The following SEMA3A variants were observed in gnomAD, a reference collection of about 807,000 sequenced individuals.
SEMA3A encodes the protein semaphorin-3A.
SEMA3A carries 29 observed loss-of-function variants against 97.9 expected under a neutral mutation model. That is an observed-to-expected ratio of 0.30 (90% CI 0.22 to 0.40). The LOEUF (loss-of-function observed/expected upper bound fraction) is 0.40. Among genes scored for constraint, SEMA3A ranks in the 10% least tolerant of loss-of-function variants. The pLI, the probability that SEMA3A is intolerant of heterozygous loss-of-function variation, is 1.00. For synonymous variants in SEMA3A, 321 were observed against 323.7 expected (o/e 0.99, Z 0.09); for missense variants, 763 against 951.3 (o/e 0.80, Z 2.60).
intron 1 of SEMA3A, among the ~76,000 whole-genome samples, chr7:84,398,678 T>G (rs1449007592): frequency 1.3e-5 from 2 of 152,020 alleles, no homozygotes; most frequent in Non-Finnish European, 2.9e-5. Context: ...CCTGGTGGCA[T>G]GTGCCTGTAG....
intron 3 of SEMA3A, among the ~76,000 whole-genome samples, chr7:84,257,472 T>G (rs1389664472): frequency 6.6e-6 from 1 of 152,124 alleles, no homozygotes; most frequent in Non-Finnish European, 1.5e-5. Context: ...TGGTATATAT[T>G]TAGAATCCCA....
At chr7:84,114,373 G>A (rs1795361312) in intron 3 of SEMA3A, among the ~76,000 whole-genome samples, 2 of 152,170 alleles carry the variant, frequency 1.3e-5, no homozygotes, top group Admixed American at 1.3e-4. Flanking sequence ...CAAACAACTT[G>A]TTCTGGCTCA....
intron 1 of SEMA3A, 30 bp downstream of exon 1, chr7:84,194,445 C>A: frequency 6.8e-7 from 1 of 1,459,972 alleles, no homozygotes; most frequent in African/African-American, 1.4e-5. Context: ...TATTACAAAG[C>A]TAACCAAATA....
At chr7:84,283,276 A>G (rs1800494973) in intron 3 of SEMA3A, among the ~76,000 whole-genome samples, 1 of 152,110 alleles carries the variant, frequency 6.6e-6, no homozygotes, top group Non-Finnish European at 1.5e-5. Flanking sequence ...TCCCGAATGC[A>G]TGGAAAGCAG....
chr7:84,405,124 A>G (rs1009484969), intron 1 of SEMA3A, among the ~76,000 whole-genome samples: 1 of 152,216 alleles, frequency 6.6e-6, no homozygotes, highest in Non-Finnish European at 1.5e-5. Context: ...GTCAAGACCC[A>G]TCAGTGTGCT....
At chr7:84,416,770 A>G (rs1030461359) in intron 1 of SEMA3A, among the ~76,000 whole-genome samples, 2 of 152,142 alleles carry the variant, frequency 1.3e-5, no homozygotes, top group Non-Finnish European at 2.9e-5. Context: ...GATTTCAAAA[A>G]ATTGTTGTTC....
Position 84,381,497 on chromosome 7 carries a change from A to T in SEMA3A, c.-245-9597T>A, listed in dbSNP as rs540851190. ...TGTCTTCTGCAAAACAGTCTAACTC[A>T]AAATCTCTGGCCTTCAGACATCAAA... On this transcript the variant is annotated intron_variant, in intron 1 of 3. Transcript: ENST00000424555. Among the ~76,000 whole-genome samples, 8 of 152,300 alleles carry T rather than the reference A, an allele frequency of 5.3e-5. No homozygotes were observed. In the South Asian group the frequency reaches 1.7e-3, roughly 32 times the overall value.
chr7:84,238,871 C>T (rs1799295604), intron 3 of SEMA3A, among the ~76,000 whole-genome samples: 1 of 152,030 alleles, frequency 6.6e-6, no homozygotes, highest in African/African-American at 2.4e-5. Flanking sequence ...CATGCCATCA[C>T]ACCTGGCTAA....
chr7:84,238,838 C>A (rs768290522), intron 3 of SEMA3A, among the ~76,000 whole-genome samples: 1 of 152,024 alleles, frequency 6.6e-6, no homozygotes, highest in African/African-American at 2.4e-5. Context: ...ACTCAGCCTC[C>A]CGAGTAGCTG....
intron 1 of SEMA3A, among the ~76,000 whole-genome samples, chr7:84,166,859 AGT>A (rs1450800411): frequency 2.2e-5 from 3 of 134,188 alleles, no homozygotes; most frequent in Admixed American, 1.6e-4. Context: ...TGGACGACAG[AGT>A]GAAACTCTGT....
chr7:83,984,315 T>C (rs1266015338), intron 13 of SEMA3A, among the ~76,000 whole-genome samples: 1 of 152,146 alleles, frequency 6.6e-6, no homozygotes, highest in Non-Finnish European at 1.5e-5. Flanking sequence ...GAACACATAC[T>C]TATGCAGTGT....
chr7:84,276,754 T>G (rs1042739282), intron 3 of SEMA3A, among the ~76,000 whole-genome samples: 3 of 152,100 alleles, frequency 2.0e-5, no homozygotes, highest in African/African-American at 7.2e-5. Context: ...CTTATTATAC[T>G]TTAAGCATTT....
At chr7:84,122,463 G>A (rs375602722) in intron 3 of SEMA3A, among the ~76,000 whole-genome samples, 4 of 152,020 alleles carry the variant, frequency 2.6e-5, no homozygotes, top group Admixed American at 1.3e-4. Flanking sequence ...TAGTCAGGGC[G>A]TCTGCTCATA....
intron 4 of SEMA3A, among the ~76,000 whole-genome samples, chr7:84,084,059 C>T (rs1238577117): frequency 6.6e-6 from 1 of 152,022 alleles, no homozygotes; most frequent in Non-Finnish European, 1.5e-5. Flanking sequence ...ACTGATCATA[C>T]AAGCAGTGGC....
chr7:84,429,574 G>T (rs1255462138), intron 1 of SEMA3A, among the ~76,000 whole-genome samples: 3 of 91,088 alleles, frequency 3.3e-5, no homozygotes, highest in East Asian at 4.4e-4. Flanking sequence ...AGAGAGAGAG[G>T]TTAAAATCGT....
intron 1 of SEMA3A, among the ~76,000 whole-genome samples, chr7:84,380,121 T>C (rs987080812): frequency 3.9e-5 from 6 of 152,172 alleles, no homozygotes; most frequent in African/African-American, 1.4e-4. Context: ...ATGAGACTTA[T>C]TTTCTGCAAT....
At chr7:84,322,605 C>G (rs1385856056) in intron 2 of SEMA3A, among the ~76,000 whole-genome samples, 1 of 152,086 alleles carries the variant, frequency 6.6e-6, no homozygotes, top group Non-Finnish European at 1.5e-5. Context: ...TAAGATGTCC[C>G]TTTGCTCTTC....
At chr7:84,063,444 G>A (rs944176536) in intron 4 of SEMA3A, among the ~76,000 whole-genome samples, 12 of 151,450 alleles carry the variant, frequency 7.9e-5, no homozygotes, top group African/African-American at 2.9e-4. Flanking sequence ...GCTGAGAGAA[G>A]AAGGCTTCAG....
rs115200053 is a variant in SEMA3A at position 83,956,761 on chromosome 7, G to T, written c.*4610C>A. 4.1e-4 allele frequency: 63 copies of T among 152,008 alleles called. No individual in the cohort carries two copies. Among genetic ancestry groups the T allele is most frequent in the Admixed American group, 4.1e-3 (63 of 15,248 alleles). The allele number at this position is 152,008 out of a possible 1,614,324, so 9.4% of individuals were successfully genotyped here. A position where few individuals can be genotyped will look rare whatever the true frequency, so the allele number is the denominator to read the frequency against. ...GTTTGAATGCTTGTTCTCAGAAAAA[G>T]GACTTTTTTTCACACCTCTCCTCCT... On this transcript the variant is annotated 3_prime_UTR_variant, in exon 17 of 17. Transcript: ENST00000265362.
Sources: gnomAD v4.1 joint callset for allele counts (sites outside exome capture counted in the v4.1 genomes callset) on GRCh38, gnomAD v4.1.1 for gene constraint, MANE v1.5 for transcripts, NCBI Gene and HGNC (gene_info 2026-07-23, HGNC 2026-07-21) for gene names.